The following PCDHA3 variants were observed in gnomAD, a reference collection of about 807,000 sequenced individuals.
PCDHA3 encodes protocadherin alpha 3.
In PCDHA3, 41 loss-of-function variants were observed where a neutral mutation model predicts 62.2. The ratio of observed to expected loss-of-function variants is 0.66; its 90% CI spans 0.51 to 0.86. PCDHA3 has a LOEUF of 0.86. Ranked by LOEUF, PCDHA3 falls within the 40% of genes least tolerant of loss-of-function variation. PCDHA3 has a pLI of 0.00. For synonymous variants in PCDHA3, 640 were observed against 555.4 expected, an observed-to-expected ratio of 1.15 and a Z score of -2.14; for missense variants, 1,304 against 1,241.2, an observed-to-expected ratio of 1.05 and a Z score of -0.76.
At chr5:140,932,247 G>A (rs1463272112) in intron 1 of PCDHA3, among the ~76,000 whole-genome samples, 2 of 151,822 alleles carry the variant, frequency 1.3e-5, no homozygotes, top group Non-Finnish European at 3.0e-5. Context: ...ATCTAAGAGG[G>A]TACCTCTGAG....
In PCDHA3 at chr5:140,927,773, A is replaced by G. The variant is rs143568645; in HGVS notation, c.2395-51176A>G. ...GTGCACCCTAAAAGTGGGGAGGTGC[A>G]AGTAGCTGCTTCACTAGGTCCGCCT... is the stretch of plus-strand genomic sequence containing the variant. On this transcript the variant is annotated intron_variant, in intron 1 of 3. Coordinates refer to ENST00000522353, the MANE Select transcript of PCDHA3 (RefSeq NM_018906.3). 201 of 1,614,196 alleles carry G rather than the reference A, an allele frequency of 1.2e-4. 4 individuals carry two copies. In the Middle Eastern group the frequency reaches 2.1e-3, roughly 17 times the overall value.
At position 140,856,290 on chromosome 5, in the gene PCDHA3, G is replaced by A. The variant is rs143002904; in HGVS notation, c.2394+52699G>A. 7.5e-3 allele frequency: 12,003 copies of A among 1,598,482 alleles called. 1,113 individuals are homozygous for A. The highest frequency in any genetic ancestry group is 7.4e-3 in the Non-Finnish European group (8,655 of 1,168,072). On this transcript the variant is annotated intron_variant, in intron 1 of 3. Coordinates refer to ENST00000522353, the MANE Select transcript of PCDHA3 (RefSeq NM_018906.3). ...CTTCTGGAGGTAAATCTGCAGAATG[G>A]CATTTTGTTTGTGAATTCTCGGATT...
intron 1 of PCDHA3, chr5:140,869,581 GC>G: frequency 6.2e-7 from 1 of 1,614,134 alleles, no homozygotes; most frequent in Non-Finnish European, 8.5e-7. Flanking sequence ...AGCTTCTGAT[GC>G]TGACATTGAA....
At chr5:140,915,028 T>C (rs1583932096) in intron 1 of PCDHA3, among the ~76,000 whole-genome samples, 1 of 150,922 alleles carries the variant, frequency 6.6e-6, no homozygotes, top group Non-Finnish European at 1.5e-5. Context: ...TCACTGCAAC[T>C]TCTGCCTCCT....
chr5:140,861,631 C>G (rs960525062), intron 1 of PCDHA3: 2 of 314,942 alleles, frequency 6.4e-6, no homozygotes, highest in Admixed American at 7.0e-5. Flanking sequence ...GTGTTCTCAG[C>G]AACACAAAAG....
intron 1 of PCDHA3, chr5:140,884,310 G>C (rs1562802595): frequency 1.2e-6 from 2 of 1,613,792 alleles, no homozygotes; most frequent in African/African-American, 2.7e-5. Context: ...GCTTCGTCGA[G>C]GGCGTCGGCA....
intron 1 of PCDHA3, among the ~76,000 whole-genome samples, chr5:140,960,750 A>C (rs1367583531): frequency 6.6e-6 from 1 of 152,048 alleles, no homozygotes; most frequent in African/African-American, 2.4e-5. Context: ...CATGGCTAAA[A>C]TCCCAAGAGT....
At chr5:140,989,565 G>A (rs782538666) in intron 3 of PCDHA3, among the ~76,000 whole-genome samples, 12 of 152,134 alleles carry the variant, frequency 7.9e-5, no homozygotes, top group South Asian at 4.1e-4. Context: ...TTGTGGCTCC[G>A]GCAAGCCCTG....
At chr5:140,971,369 T>C (rs1384716266) in intron 1 of PCDHA3, among the ~76,000 whole-genome samples, 1 of 152,094 alleles carries the variant, frequency 6.6e-6, no homozygotes, top group Non-Finnish European at 1.5e-5. Context: ...GCCAGGAGAG[T>C]GCATGACTTT....
chr5:140,874,929 G>A lies in PCDHA3; in HGVS notation c.2394+71338G>A, dbSNP rs1554167415. Among the ~76,000 whole-genome samples, 6 of 152,304 alleles carry A rather than the reference G, an allele frequency of 3.9e-5. 1 individual carries two copies. On this transcript the variant is annotated intron_variant, in intron 1 of 3. Transcript: ENST00000522353. ...GATGGAGTGCTTGTGAAGGTTAAAA[G>A]TTATTGAAACAGCGGAATTGTAAGC...
At chr5:140,807,045 T>A in intron 1 of PCDHA3, 1 of 1,012,628 alleles carries the variant, frequency 9.9e-7, no homozygotes. Context: ...GGAAAATTCC[T>A]TCTATTCTTA....
intron 1 of PCDHA3, chr5:140,847,546 A>C (rs1179862564): frequency 6.7e-6 from 1 of 149,632 alleles, no homozygotes; most frequent in African/African-American, 2.4e-5. Context: ...GCATAGCTTT[A>C]AAAACAGAAA....
In PCDHA3 at chr5:140,802,430, C is replaced by G. The variant is rs1047484049; in HGVS notation, c.1233C>G (p.Ser411Arg). The G allele has an allele frequency of 1.2e-6, 2 of 1,614,204 alleles. No homozygotes were observed. Among genetic ancestry groups the G allele is most frequent in the Admixed American group, 3.3e-5 (2 of 60,036 alleles). ...FKNYYSLVLD[S>R]PLDRESVSAY... The stretch of plus-strand genomic sequence containing the variant: ...ATTACTACTCATTGGTGCTGGACAG[C>G]CCTCTGGACCGCGAGAGCGTGTCGG... Residue 411 changes from serine (S) to arginine (R), a missense_variant, in exon 1 of 4, where the codon AGC becomes AGG. By Grantham distance (110) the Ser-to-Arg change is moderately radical. Transcript: ENST00000522353.
At chr5:140,892,480 CA>C (rs1484176083) in intron 1 of PCDHA3, among the ~76,000 whole-genome samples, 14 of 152,110 alleles carry the variant, frequency 9.2e-5, no homozygotes, top group Non-Finnish European at 1.8e-4. Context: ...GTTTCCTAGC[CA>C]AACATGAGAG....
intron 1 of PCDHA3, chr5:140,822,815 C>A: frequency 3.1e-6 from 5 of 1,614,130 alleles, no homozygotes; most frequent in Non-Finnish European, 4.2e-6. Context: ...GATAATACCC[C>A]AGAGATGGCC....
chr5:140,995,794 CAT>C (rs1407600046), intron 3 of PCDHA3, among the ~76,000 whole-genome samples: 65 of 152,208 alleles, frequency 4.3e-4, no homozygotes, highest in African/African-American at 1.5e-3. Flanking sequence ...AAATTTGTCT[CAT>C]GTTAGTTTCT....
chr5:141,000,418 T>TAA (rs2097924814), intron 3 of PCDHA3, among the ~76,000 whole-genome samples: 1 of 83,682 alleles, frequency 1.2e-5, no homozygotes, highest in Non-Finnish European at 2.2e-5. Context: ...TATATATATA[T>TAA]ATATTTTTTT....
At chr5:140,968,086 A>G (rs2096217656) in intron 1 of PCDHA3, 1 of 1,614,058 alleles carries the variant, frequency 6.2e-7, no homozygotes, top group African/African-American at 1.3e-5. Context: ...TCACGGTGAC[A>G]GCCACAGATG....
intron 1 of PCDHA3, chr5:140,849,567 C>G: frequency 1.3e-6 from 2 of 1,598,580 alleles, no homozygotes; most frequent in Non-Finnish European, 1.7e-6. Flanking sequence ...GCTCTCGGTT[C>G]CTGTAAAAGA....
Sources: gnomAD v4.1 joint callset for allele counts (sites outside exome capture counted in the v4.1 genomes callset) on GRCh38, gnomAD v4.1.1 for gene constraint, MANE v1.5 for transcripts, NCBI Gene and HGNC (gene_info 2026-07-23, HGNC 2026-07-21) for gene names.